CYFIP1: variants seen among roughly 807,000 people sequenced by gnomAD.
CYFIP1 encodes the protein cytoplasmic FMR1-interacting protein 1.
CYFIP1 carries 58 observed loss-of-function variants against 163.5 expected under a neutral mutation model. That is an observed-to-expected ratio of 0.35 (90% confidence interval 0.29 to 0.44). The LOEUF is 0.44. Among genes scored for constraint, CYFIP1 ranks in the 20% least tolerant of loss-of-function variants. The pLI is 1.00. For missense variants in CYFIP1, 1,338 were observed against 1,653.8 expected (o/e 0.81, Z 3.31); for synonymous variants, 663 against 660.7 (o/e 1.00, Z -0.05).
chr15:22,872,925 A>G lies in CYFIP1; in HGVS notation c.3497T>C (p.Val1166Ala), dbSNP rs1404622742. 6.2e-7 allele frequency: 1 copy of G among 1,614,154 alleles called. No homozygotes were observed. The highest frequency in any genetic ancestry group is 8.5e-7 in the Non-Finnish European group (1 of 1,180,002). Residue 1166 changes from valine to alanine, a missense_variant, in exon 30 of 31, where the codon GTA becomes GCA. Coordinates refer to ENST00000617928, the MANE Select transcript of CYFIP1 (RefSeq NM_014608.6). The part of the protein sequence containing the change: ...GLHWAGCMII[V>A]LLGQQRRFAV... The stretch of plus-strand genomic sequence containing the variant: ...AAAACGCCGCTGCTGCCCAAGAAGT[A>G]CGATGATCATACAGCCAGCCCAGTG...
intron 18 of CYFIP1, among the ~76,000 whole-genome samples, chr15:22,911,660 A>G (rs1261802201): frequency 6.6e-6 from 1 of 152,144 alleles, no homozygotes; most frequent in Non-Finnish European, 1.5e-5. Context: ...CCCTCCTCCC[A>G]TCCTGCAGGG....
Position 22,878,121 on chromosome 15 carries a change from C to G in CYFIP1, c.3042+1792G>C, listed in dbSNP as rs186445604. Among the ~76,000 whole-genome samples the G allele has an allele frequency of 2.4e-3, 370 of 152,292 alleles. 1 individual carries two copies. The highest frequency in any genetic ancestry group is 8.4e-3 in the African/African-American group (351 of 41,570). ...GGGAAACAACATAGGAAAGGCCTCC[C>G]CAGGCAGCTCTGGAGACGAAGTGCC... On this transcript the variant is annotated intron_variant, in intron 26 of 30. Coordinates refer to ENST00000617928, the MANE Select transcript of CYFIP1 (RefSeq NM_014608.6).
intron 1 of CYFIP1, among the ~76,000 whole-genome samples, chr15:22,978,350 CACAA>C (rs1393308258): frequency 4.4e-5 from 1 of 22,584 alleles, no homozygotes; most frequent in Non-Finnish European, 7.0e-5. Context: ...AAGACTCTGT[CACAA>C]AAAAAAAAAA....
chr15:22,937,045 C>G, intron 9 of CYFIP1, 59 bp downstream of exon 9: 1 of 1,251,306 alleles, frequency 8.0e-7, no homozygotes, highest in Middle Eastern at 1.9e-4. Context: ...GCTCACTTCC[C>G]CAAAATTCAA....
chr15:22,918,225 G>A (rs542586208), intron 14 of CYFIP1, among the ~76,000 whole-genome samples: 26 of 152,308 alleles, frequency 1.7e-4, no homozygotes, highest in Middle Eastern at 6.8e-3. Context: ...TGTGGGCAGG[G>A]AGAGGGCAGA....
intron 22 of CYFIP1, among the ~76,000 whole-genome samples, chr15:22,894,586 G>A (rs548668402): frequency 3.3e-5 from 5 of 151,616 alleles, no homozygotes; most frequent in African/African-American, 7.2e-5. Context: ...CACCACGCCC[G>A]GCCTAGAGGA....
rs976541229 is a variant in CYFIP1 at position 22,904,198 on chromosome 15, T to TC, written c.2389-294dup. On this transcript the variant is annotated intron_variant, in intron 21 of 30. Coordinates refer to ENST00000617928, the MANE Select transcript of CYFIP1 (RefSeq NM_014608.6). ...ACGTGTGGCCTGCTACTGCCACCCT[T>TC]CCCCCCATGTGCCCGCTGAGCCCCG... is the stretch of plus-strand genomic sequence containing the variant. 7 of 480,204 alleles carry TC rather than the reference T, an allele frequency of 1.5e-5. No individual in the cohort carries two copies. The East Asian group carries it at 1.5e-4, about 11-fold the overall frequency. The allele number at this position is 480,204 out of a possible 1,614,324, so 29.7% of individuals were successfully genotyped here.
At chr15:22,937,329 A>G (rs2061742696) in intron 8 of CYFIP1, 121 bp from the exon 9 acceptor site, 2 of 647,532 alleles carry the variant, frequency 3.1e-6, no homozygotes, top group Non-Finnish European at 5.6e-6. Flanking sequence ...GATCACAAAG[A>G]TCTATCTTTA....
intron 16 of CYFIP1, 123 bp from the exon 17 acceptor site, chr15:22,915,005 A>G: frequency 9.4e-7 from 1 of 1,063,690 alleles, no homozygotes; most frequent in East Asian, 2.8e-5. Flanking sequence ...GCCATGCAGC[A>G]TGGACATGAG....
chr15:22,939,349 T>C, intron 7 of CYFIP1, 29 bp from the exon 8 acceptor site: 1 of 1,614,078 alleles, frequency 6.2e-7, no homozygotes, highest in South Asian at 1.1e-5. Context: ...GACTCATGCA[T>C]GGGCCCGGCG....
At chr15:22,910,365 T>C (rs1333656278) in intron 20 of CYFIP1, among the ~76,000 whole-genome samples, 155 bp downstream of exon 20, 4 of 152,190 alleles carry the variant, frequency 2.6e-5, no homozygotes, top group African/African-American at 9.7e-5. Context: ...TTTTGCTATG[T>C]TGGCCAGGCT....
chr15:22,918,144 C>G (rs2061056171), intron 14 of CYFIP1, among the ~76,000 whole-genome samples: 1 of 152,224 alleles, frequency 6.6e-6, no homozygotes, highest in Non-Finnish European at 1.5e-5. Context: ...TTACTACCCC[C>G]AGAAGACTGC....
intron 2 of CYFIP1, 30 bp from the exon 3 acceptor site, chr15:22,947,122 T>A (rs761256321): frequency 6.2e-7 from 1 of 1,614,100 alleles, no homozygotes; most frequent in Non-Finnish European, 8.5e-7. Flanking sequence ...AAACATCATG[T>A]GGGGTCGGAG....
At chr15:22,944,712 A>C (rs1595674386) in intron 4 of CYFIP1, 53 bp from the exon 5 acceptor site, 1 of 1,551,486 alleles carries the variant, frequency 6.4e-7, no homozygotes, top group East Asian at 2.2e-5. Context: ...AGCCAGAAGC[A>C]GCCGCTGGGC....
At chr15:22,980,086 G>A (rs1034595075) in intron 1 of CYFIP1, among the ~76,000 whole-genome samples, 4 of 150,492 alleles carry the variant, frequency 2.7e-5, no homozygotes, top group Admixed American at 2.6e-4. Flanking sequence ...GGAGGCGCGG[G>A]AGCCCGGGGC....
rs563568119 is a variant in CYFIP1 at position 22,963,241 on chromosome 15, C to G, written c.-6-15950G>C. Among the ~76,000 whole-genome samples, 365 of 152,240 alleles carry G rather than the reference C, an allele frequency of 2.4e-3. 7 individuals are homozygous for G. Among genetic ancestry groups the G allele is most frequent in the African/African-American group, 8.3e-3 (346 of 41,526 alleles). ...GTAAGAAAGGCCAGACGCGGTGGCT[C>G]ACACCTGTAATCTCAGCACTTTGGG... On this transcript the variant is annotated intron_variant, in intron 1 of 30. Coordinates refer to ENST00000617928, the MANE Select transcript of CYFIP1 (RefSeq NM_014608.6).
Position 22,902,551 on chromosome 15 carries a change from G to C in CYFIP1, c.2588+1155C>G, listed in dbSNP as rs1372125526. Among the ~76,000 whole-genome samples, 3 of 152,276 alleles carry C rather than the reference G, an allele frequency of 2.0e-5. No individual in the cohort carries two copies. In the East Asian group the frequency reaches 5.8e-4, roughly 29 times the overall value. On this transcript the variant is annotated intron_variant, in intron 22 of 30. Transcript: ENST00000617928. ...ATATTACTTGTGTAAGAATATTTTT[G>C]CAATTAATTCCAAGCATAAACATCT...
intron 1 of CYFIP1, among the ~76,000 whole-genome samples, chr15:22,958,836 C>T (rs1337015017): frequency 2.0e-5 from 3 of 152,226 alleles, no homozygotes; most frequent in Non-Finnish European, 4.4e-5. Context: ...CAAGGGAGAG[C>T]AGTTCTGTCT....
intron 16 of CYFIP1, among the ~76,000 whole-genome samples, chr15:22,915,488 C>T (rs1367214007): frequency 3.3e-5 from 5 of 152,106 alleles, no homozygotes; most frequent in Admixed American, 1.3e-4. Context: ...CAGTGGCTCA[C>T]GCCTGTAATC....
Sources: allele counts gnomAD v4.1 joint callset (sites outside exome capture counted in the v4.1 genomes callset), GRCh38; gene constraint gnomAD v4.1.1; transcripts MANE v1.5; gene names NCBI Gene and HGNC (gene_info 2026-07-23, HGNC 2026-07-21).